The following OPA1 variants were observed in gnomAD, a reference collection of about 807,000 sequenced individuals.
OPA1 encodes dynamin-like GTPase OPA1, mitochondrial.
In OPA1, 59 loss-of-function variants were observed where a neutral mutation model predicts 152.9. That is an observed-to-expected ratio of 0.39 (90% CI 0.31 to 0.48). The LOEUF is 0.48. OPA1 is among the 20% of genes least tolerant of loss of function. OPA1 has a pLI of 0.96. For synonymous variants in OPA1, 400 were observed against 389.9 expected, an observed-to-expected ratio of 1.03 and a Z score of -0.31; for missense variants, 1,008 against 1,216.8, an observed-to-expected ratio of 0.83 and a Z score of 2.55.
At chr3:193,607,232 T>C (rs1332863046) in intron 1 of OPA1, among the ~76,000 whole-genome samples, 1 of 152,230 alleles carries the variant, frequency 6.6e-6, no homozygotes, top group African/African-American at 2.4e-5. Context: ...TTCACTCTGA[T>C]GGTAGTTTCT....
chr3:193,670,703 G>A (rs1232725198), intron 29 of OPA1, among the ~76,000 whole-genome samples: 1 of 152,062 alleles, frequency 6.6e-6, no homozygotes, highest in African/African-American at 2.4e-5. Context: ...AGTAGTAGTA[G>A]TACATTTTTC....
At chr3:193,626,015 G>T (rs1731057604) in intron 6 of OPA1, 77 bp from the exon 7 acceptor site, 1 of 1,073,980 alleles carries the variant, frequency 9.3e-7, no homozygotes, top group East Asian at 2.4e-5. Context: ...GCTTACATCT[G>T]TTCCTTTGTT....
chr3:193,675,344 A>AC (rs1341260698), intron 29 of OPA1, among the ~76,000 whole-genome samples: 104 of 147,590 alleles, frequency 7.0e-4, no homozygotes, highest in East Asian at 5.3e-3. Context: ...AAAAAAAAAA[A>AC]AAAAAACACC....
intron 6 of OPA1, among the ~76,000 whole-genome samples, chr3:193,623,988 A>C (rs919979515): frequency 1.3e-5 from 2 of 152,224 alleles, no homozygotes; most frequent in Non-Finnish European, 2.9e-5. Flanking sequence ...CATTTCAACT[A>C]TCTTTACATA....
chr3:193,697,498 G>A lies in OPA1; in HGVS notation c.*2898G>A, dbSNP rs1159259840. 1 of 152,188 alleles carries A rather than the reference G, an allele frequency of 6.6e-6. No homozygotes were observed. Among genetic ancestry groups the A allele is most frequent in the Non-Finnish European group, 1.5e-5 (1 of 68,032 alleles). 9.4% of individuals were successfully genotyped at this position (152,188 alleles called of 1,614,324 possible). ...AGCTTGATCAAAGGTCATTTGTGTA[G>A]ATGAGTAATTAAAAAATATTTAAAT... On this transcript the variant is annotated 3_prime_UTR_variant, in exon 31 of 31. Coordinates refer to ENST00000361510, the MANE Select transcript of OPA1 (RefSeq NM_130837.3).
chr3:193,650,124 T>C (rs1266605393), intron 21 of OPA1, among the ~76,000 whole-genome samples: 1 of 152,208 alleles, frequency 6.6e-6, no homozygotes, highest in Non-Finnish European at 1.5e-5. Flanking sequence ...AGAGCAACCC[T>C]GAAATCAAAG....
intron 6 of OPA1, chr3:193,624,089 C>T (rs1730632907): frequency 2.0e-5 from 3 of 152,510 alleles, no homozygotes; most frequent in African/African-American, 2.4e-5. Context: ...ATTTACCATG[C>T]AGTTGTGTAT....
intron 19 of OPA1, among the ~76,000 whole-genome samples, chr3:193,647,725 A>G (rs1160405888): frequency 6.6e-6 from 1 of 152,200 alleles, no homozygotes. Flanking sequence ...ACTTACCCAA[A>G]TAACTTATCC....
rs367908006 is a variant in OPA1 at position 193,612,305 on chromosome 3, G to A, written c.33-2418G>A. ...TTTTTTTTTTTAAATCATCTTCAGGGTGAAAGTGTAATTTAACAAAAAGTT... is the reference window on the plus strand; with the variant it reads ...TTTTTTTTTTTAAATCATCTTCAGGATGAAAGTGTAATTTAACAAAAAGTT... On this transcript the variant is annotated intron_variant, in intron 1 of 30. Transcript: ENST00000361510. Among the ~76,000 whole-genome samples the A allele has an allele frequency of 4.0e-5, 6 of 148,538 alleles. No homozygotes were observed. In the South Asian group the frequency reaches 8.5e-4, roughly 21 times the overall value.
chr3:193,609,895 C>T (rs1727922776), intron 1 of OPA1, among the ~76,000 whole-genome samples: 1 of 152,188 alleles, frequency 6.6e-6, no homozygotes, highest in Admixed American at 6.5e-5. Flanking sequence ...CCATCAGGTC[C>T]TTTAAGGACT....
chr3:193,675,666 A>T (rs936784972), intron 29 of OPA1, among the ~76,000 whole-genome samples: 1 of 152,224 alleles, frequency 6.6e-6, no homozygotes. Flanking sequence ...TGAGCAGAAT[A>T]GAGGCTTCTC....
intron 16 of OPA1, among the ~76,000 whole-genome samples, chr3:193,645,212 C>A (rs1734361242): frequency 6.6e-6 from 1 of 152,034 alleles, no homozygotes; most frequent in Non-Finnish European, 1.5e-5. Flanking sequence ...TCATATTGTC[C>A]CATAATCTCA....
chr3:193,677,093 A>T lies in OPA1; in HGVS notation c.2983+9813A>T, dbSNP rs1719268643. Among the ~76,000 whole-genome samples the T allele has an allele frequency of 2.0e-5, 3 of 151,800 alleles. No individual in the cohort carries two copies. The South Asian group carries it at 6.2e-4, about 31-fold the overall frequency. ...ATTATACATGCTGCTGGTAATCAAC[A>T]CTTTACTAGCAAGTATATTCTTTTG... On this transcript the variant is annotated intron_variant, in intron 29 of 30. Transcript: ENST00000361510.
chr3:193,665,407 G>A (rs1001523323), intron 27 of OPA1, among the ~76,000 whole-genome samples: 18 of 151,988 alleles, frequency 1.2e-4, no homozygotes, highest in African/African-American at 4.3e-4. Flanking sequence ...ATCTGTGTGT[G>A]TAACATAACC....
intron 6 of OPA1, among the ~76,000 whole-genome samples, chr3:193,622,264 C>G (rs183661620): frequency 1.5e-5 from 2 of 130,648 alleles, no homozygotes; most frequent in Non-Finnish European, 3.1e-5. Context: ...GAGTCTCACT[C>G]TGTCACCCGG....
chr3:193,638,562 G>A (rs1050661391), intron 11 of OPA1, among the ~76,000 whole-genome samples: 3 of 152,174 alleles, frequency 2.0e-5, no homozygotes, highest in Non-Finnish European at 2.9e-5. Flanking sequence ...AATTTTCAAT[G>A]TGAAAATAAA....
intron 29 of OPA1, among the ~76,000 whole-genome samples, chr3:193,690,153 A>G (rs1721468886): frequency 6.6e-6 from 1 of 151,810 alleles, no homozygotes; most frequent in Non-Finnish European, 1.5e-5. Flanking sequence ...TCAGCCTACC[A>G]AAAAATTGAG....
At chr3:193,680,384 A>C (rs1403073037) in intron 29 of OPA1, among the ~76,000 whole-genome samples, 1 of 152,204 alleles carries the variant, frequency 6.6e-6, no homozygotes, top group Non-Finnish European at 1.5e-5. Context: ...TAACAGCTTG[A>C]AGAAAGACCC....
At chr3:193,669,294 C>A (rs1176803868) in intron 29 of OPA1, among the ~76,000 whole-genome samples, 1 of 152,190 alleles carries the variant, frequency 6.6e-6, no homozygotes, top group African/African-American at 2.4e-5. Flanking sequence ...CTTTCCTTTT[C>A]TTTCTTCCTT....
Sources: allele counts gnomAD v4.1 joint callset (sites outside exome capture counted in the v4.1 genomes callset), GRCh38; gene constraint gnomAD v4.1.1; transcripts MANE v1.5; gene names NCBI Gene and HGNC (gene_info 2026-07-23, HGNC 2026-07-21).